CNTN5: variants seen among roughly 807,000 people sequenced by gnomAD.
The protein encoded by CNTN5 is contactin 5.
Under a neutral mutation model 129.1 loss-of-function variants are expected in CNTN5, and 77 were observed. The observed-to-expected ratio is 0.60, with a 90% CI of 0.50 to 0.72. The LOEUF (loss-of-function observed/expected upper bound fraction) is 0.72, where lower values mean the gene tolerates loss of function less well. CNTN5 is among the 30% of genes least tolerant of loss of function. The pLI is 0.00. For missense variants in CNTN5, 1,478 were observed against 1,328.8 expected, an observed-to-expected ratio of 1.11 and a Z score of -1.75; for synonymous variants, 509 against 465.6, an observed-to-expected ratio of 1.09 and a Z score of -1.20.
chr11:99,211,995 G>T (rs1019890351), intron 1 of CNTN5, among the ~76,000 whole-genome samples: 1 of 152,078 alleles, frequency 6.6e-6, no homozygotes, highest in African/African-American at 2.4e-5. Flanking sequence ...CTTTTTGGAA[G>T]TACTGTGTTT....
intron 1 of CNTN5, among the ~76,000 whole-genome samples, chr11:99,108,955 AATAT>A (rs946063459): frequency 2.8e-4 from 43 of 152,034 alleles, no homozygotes; most frequent in African/African-American, 9.6e-4. Flanking sequence ...TTTAACTTGG[AATAT>A]TTATTAAGCA....
chr11:99,406,441 G>A (rs1165635364), intron 2 of CNTN5, among the ~76,000 whole-genome samples: 4 of 151,960 alleles, frequency 2.6e-5, no homozygotes, highest in Admixed American at 2.6e-4. Flanking sequence ...CTGGAGCTAG[G>A]GGTTGAGTGA....
intron 1 of CNTN5, among the ~76,000 whole-genome samples, chr11:99,264,852 CA>C (rs1178780747): frequency 2.0e-5 from 3 of 151,990 alleles, no homozygotes; most frequent in African/African-American, 7.2e-5. Context: ...AATTTATCTT[CA>C]TTTTTTTATG....
At chr11:100,124,842 T>A (rs1946132426) in intron 13 of CNTN5, among the ~76,000 whole-genome samples, 1 of 152,094 alleles carries the variant, frequency 6.6e-6, no homozygotes, top group Non-Finnish European at 1.5e-5. Flanking sequence ...CTCATGTGAA[T>A]AGGTATATAA....
chr11:99,484,434 T>C (rs183530408), intron 2 of CNTN5, among the ~76,000 whole-genome samples: 3 of 152,266 alleles, frequency 2.0e-5, no homozygotes, highest in East Asian at 3.9e-4. Context: ...TTGATGGGAA[T>C]GTAAACTACT....
chr11:99,914,757 G>A lies in CNTN5; in HGVS notation c.578-1297G>A, dbSNP rs114573232. Reference sequence around the variant, plus strand: ...GAATACTTCTCTGTTTCTTTATTTGGTGTCATGTCTTCACTACTTATTAGA... The same window carrying A: ...GAATACTTCTCTGTTTCTTTATTTGATGTCATGTCTTCACTACTTATTAGA... On this transcript the variant is annotated intron_variant, in intron 6 of 24. Transcript: ENST00000524871. Among the ~76,000 whole-genome samples, 1,101 of 151,942 alleles carry A rather than the reference G, an allele frequency of 7.2e-3. 10 individuals are homozygous for A. Among genetic ancestry groups the A allele is most frequent in the African/African-American group, 0.025 (1,032 of 41,458 alleles).
At chr11:100,112,593 T>A (rs144413721) in intron 13 of CNTN5, among the ~76,000 whole-genome samples, 370 of 152,220 alleles carry the variant, frequency 2.4e-3, no homozygotes, top group Non-Finnish European at 4.5e-3. Context: ...AGTTCACTTC[T>A]TTGCATGGCA....
chr11:100,295,004 G>A (rs1951072775), intron 18 of CNTN5, among the ~76,000 whole-genome samples: 1 of 151,586 alleles, frequency 6.6e-6, no homozygotes, highest in African/African-American at 2.4e-5. Context: ...ACAAAACACT[G>A]CGTGAGCTGC....
chr11:99,254,793 A>G (rs975698113), intron 1 of CNTN5, among the ~76,000 whole-genome samples: 11 of 152,002 alleles, frequency 7.2e-5, no homozygotes, highest in African/African-American at 2.2e-4. Context: ...TATTGACATC[A>G]TAAATTTTTC....
intron 1 of CNTN5, among the ~76,000 whole-genome samples, chr11:99,053,821 A>AT (rs1864522680): frequency 6.6e-6 from 1 of 151,908 alleles, no homozygotes; most frequent in African/African-American, 2.4e-5. Flanking sequence ...AAGTTTTGAA[A>AT]TTTTTTTATT....
chr11:100,291,899 C>A (rs568305873), intron 18 of CNTN5, among the ~76,000 whole-genome samples: 162 of 150,900 alleles, frequency 1.1e-3, no homozygotes, highest in African/African-American at 3.5e-3. Context: ...CAAACAACAA[C>A]AAAAAAAAGG....
chr11:99,984,016 C>A (rs941185615), intron 8 of CNTN5, among the ~76,000 whole-genome samples: 1 of 152,080 alleles, frequency 6.6e-6, no homozygotes, highest in Non-Finnish European at 1.5e-5. Flanking sequence ...ACCTGTTACC[C>A]CAGCACTTTG....
intron 1 of CNTN5, among the ~76,000 whole-genome samples, chr11:99,218,309 A>G (rs1291906333): frequency 3.3e-5 from 5 of 151,944 alleles, no homozygotes; most frequent in African/African-American, 1.2e-4. Flanking sequence ...CTAAATTTTA[A>G]GTTACTTTTG....
intron 1 of CNTN5, among the ~76,000 whole-genome samples, chr11:99,083,286 G>A (rs1329293314): frequency 6.6e-6 from 1 of 151,476 alleles, no homozygotes; most frequent in African/African-American, 2.4e-5. Flanking sequence ...TTTCTCACTG[G>A]TATTATTCAC....
At chr11:100,309,731 T>C in intron 21 of CNTN5, 2 of 983,770 alleles carry the variant, frequency 2.0e-6, no homozygotes, top group Non-Finnish European at 1.2e-6. Flanking sequence ...AGCCCCTTTC[T>C]ATCCAACCGT....
intron 1 of CNTN5, among the ~76,000 whole-genome samples, chr11:99,253,864 T>C (rs1246729369): frequency 1.3e-5 from 2 of 148,440 alleles, no homozygotes; most frequent in Non-Finnish European, 3.0e-5. Context: ...TTCCCTGTTG[T>C]CTATATGAAA....
At chr11:99,557,043 T>C (rs951846525) in intron 3 of CNTN5, among the ~76,000 whole-genome samples, 2 of 151,266 alleles carry the variant, frequency 1.3e-5, no homozygotes. Context: ...TCAGTACCTA[T>C]ATTGTGGGCT....
At chr11:99,109,185 T>A (rs1857666006) in intron 1 of CNTN5, among the ~76,000 whole-genome samples, 1 of 151,854 alleles carries the variant, frequency 6.6e-6, no homozygotes, top group Non-Finnish European at 1.5e-5. Flanking sequence ...CTGATGTTGT[T>A]ACATGTGTAT....
At chr11:99,773,691 A>T (rs563422432) in intron 3 of CNTN5, among the ~76,000 whole-genome samples, 99 of 152,196 alleles carry the variant, frequency 6.5e-4, no homozygotes, top group Non-Finnish European at 1.1e-3. Context: ...TATATTTCTC[A>T]TCAATATTAA....
Sources: gnomAD v4.1 joint callset for allele counts (sites outside exome capture counted in the v4.1 genomes callset) on GRCh38, gnomAD v4.1.1 for gene constraint, MANE v1.5 for transcripts, NCBI Gene and HGNC (gene_info 2026-07-23, HGNC 2026-07-21) for gene names.